Variants in TNRC6C observed in about 807,000 individuals in gnomAD.
TNRC6C encodes the protein trinucleotide repeat-containing gene 6C protein.
Under a neutral mutation model 153.7 loss-of-function variants are expected in TNRC6C, and 20 were observed. The observed-to-expected ratio is 0.13, with a 90% confidence interval of 0.09 to 0.19. The LOEUF (loss-of-function observed/expected upper bound fraction) is 0.19. TNRC6C is among the 10% of genes least tolerant of loss of function. TNRC6C has a pLI of 1.00. For synonymous variants in TNRC6C, 811 were observed against 841.4 expected (o/e 0.96, Z 0.63); for missense variants, 1,987 against 2,172.0 (o/e 0.91, Z 1.69).
intron 1 of TNRC6C, among the ~76,000 whole-genome samples, chr17:78,024,776 A>T (rs138260502): frequency 0.011 from 1,705 of 151,624 alleles, 20 homozygotes; most frequent in Non-Finnish European, 0.015. Flanking sequence ...AACATTTGAT[A>T]CAACTGATGT....
At chr17:78,012,373 A>T (rs1011361669) in intron 1 of TNRC6C, among the ~76,000 whole-genome samples, 1 of 152,122 alleles carries the variant, frequency 6.6e-6, no homozygotes, top group African/African-American at 2.4e-5. Context: ...AGAGGAGCAG[A>T]AAAGATCAGT....
At chr17:78,029,864 A>T (rs1456836940) in intron 1 of TNRC6C, among the ~76,000 whole-genome samples, 1 of 151,784 alleles carries the variant, frequency 6.6e-6, no homozygotes, top group Non-Finnish European at 1.5e-5. Context: ...CGAGGTCAGG[A>T]TCATCAGTAT....
intron 1 of TNRC6C, among the ~76,000 whole-genome samples, chr17:77,979,711 C>A (rs1260554107): frequency 1.3e-5 from 2 of 151,956 alleles, no homozygotes; most frequent in East Asian, 3.8e-4. Flanking sequence ...TACAGACTTG[C>A]ATATTTGAGA....
At chr17:78,088,648 G>A (rs1477215867) in intron 13 of TNRC6C, among the ~76,000 whole-genome samples, 1 of 145,396 alleles carries the variant, frequency 6.9e-6, no homozygotes, top group African/African-American at 2.6e-5. Flanking sequence ...TTTTTTGGCT[G>A]GAGTGCAGTG....
chr17:78,085,201 G>A (rs1343334488), intron 11 of TNRC6C, among the ~76,000 whole-genome samples: 1 of 152,170 alleles, frequency 6.6e-6, no homozygotes, highest in East Asian at 1.9e-4. Flanking sequence ...TTATCTTACT[G>A]ATGTGCTAGA....
upstream of TNRC6C, among the ~76,000 whole-genome samples, chr17:78,003,861 G>A (rs778173930): frequency 1.2e-4 from 19 of 152,172 alleles, no homozygotes; most frequent in East Asian, 3.8e-4. Flanking sequence ...CCAGGTATTC[G>A]AGACCAGACT....
chr17:78,107,375 G>C (rs2073719755), exon 20 of TNRC6C: 1 of 152,180 alleles, frequency 6.6e-6, no homozygotes, highest in South Asian at 2.1e-4. Context: ...GAATGTGACT[G>C]TTGAAGAACA....
chr17:78,091,540 G>A (rs761564961), exon 14 of TNRC6C: 25 of 1,607,290 alleles, frequency 1.6e-5, no homozygotes, highest in Admixed American at 8.5e-5. Flanking sequence ...CCCAGTGGAC[G>A]CACCCCAACT....
intron 1 of TNRC6C, chr17:78,008,820 C>T (rs1443876656): frequency 1.3e-5 from 2 of 152,124 alleles, no homozygotes; most frequent in African/African-American, 2.4e-5. Context: ...TTCCTCTGTC[C>T]TGAGATATTT....
exon 3 of TNRC6C, chr17:78,051,184 A>G: frequency 1.3e-6 from 2 of 1,575,220 alleles, no homozygotes; most frequent in South Asian, 1.2e-5. Flanking sequence ...CAGTGAAGCA[A>G]CTGGCTGGGA....
At position 78,092,872 on chromosome 17, in the gene TNRC6C, T is replaced by G. The variant is rs1180833234; in HGVS notation, c.3971-61T>G. 16 of 1,515,550 alleles carry G rather than the reference T, an allele frequency of 1.1e-5. No individual in the cohort carries two copies. The East Asian group carries it at 3.4e-4, about 32-fold the overall frequency. 93.9% of individuals were successfully genotyped at this position (1,515,550 alleles called of 1,614,324 possible). A position where few individuals can be genotyped will look rare whatever the true frequency, so the allele number is the denominator to read the frequency against. On this transcript the variant is annotated intron_variant, in intron 14 of 19. Coordinates refer to ENST00000301624, the Ensembl canonical transcript of TNRC6C. Reference sequence around the variant, plus strand: ...GGTACATAGGGAGGCTTAGGGTATCTTCTGGTGTCTCTCAACTGGAGAGTA... The same window carrying G: ...GGTACATAGGGAGGCTTAGGGTATCGTCTGGTGTCTCTCAACTGGAGAGTA...
At chr17:77,990,854 G>A (rs183964794) in intron 1 of TNRC6C, among the ~76,000 whole-genome samples, 132 of 152,232 alleles carry the variant, frequency 8.7e-4, no homozygotes, top group Middle Eastern at 6.8e-3. Context: ...GGGTCAATCA[G>A]TTTGATTTGT....
intron 16 of TNRC6C, among the ~76,000 whole-genome samples, chr17:78,095,629 G>A (rs1000869275): frequency 3.9e-5 from 6 of 152,222 alleles, no homozygotes; most frequent in African/African-American, 9.6e-5. Flanking sequence ...TGACCAGCAC[G>A]AGGAACCTTG....
intron 3 of TNRC6C, among the ~76,000 whole-genome samples, chr17:78,058,206 A>G (rs1334737129): frequency 6.6e-6 from 1 of 152,232 alleles, no homozygotes; most frequent in Non-Finnish European, 1.5e-5. Flanking sequence ...AAGTCGTCAT[A>G]AAATCAGTCT....
chr17:78,073,040 G>C (rs1567952023), exon 7 of TNRC6C: 1 of 1,554,740 alleles, frequency 6.4e-7, no homozygotes, highest in South Asian at 1.2e-5. Flanking sequence ...TACACAGAGA[G>C]AGCCAGCTGA....
At chr17:78,095,155 G>T (rs1374009838) in intron 16 of TNRC6C, among the ~76,000 whole-genome samples, 1 of 152,206 alleles carries the variant, frequency 6.6e-6, no homozygotes, top group Non-Finnish European at 1.5e-5. Flanking sequence ...AGAGCTTCCC[G>T]AGTGGTGCCC....
upstream of TNRC6C, among the ~76,000 whole-genome samples, chr17:77,958,319 C>T (rs1023782256): frequency 2.0e-5 from 3 of 151,978 alleles, no homozygotes; most frequent in African/African-American, 7.2e-5. Context: ...CAGGCGGCGG[C>T]GGTAAAGGAC....
intron 1 of TNRC6C, among the ~76,000 whole-genome samples, chr17:78,030,821 G>C (rs191714795): frequency 6.6e-6 from 1 of 152,084 alleles, no homozygotes; most frequent in Non-Finnish European, 1.5e-5. Context: ...AATTCCGGCC[G>C]GGCATGGTGG....
At chr17:78,000,996 T>C (rs2071404718), upstream of TNRC6C, among the ~76,000 whole-genome samples, 1 of 152,178 alleles carries the variant, frequency 6.6e-6, no homozygotes, top group Non-Finnish European at 1.5e-5. Flanking sequence ...ATTGTTTCTC[T>C]GGGAAAATCT....
Sources: allele counts gnomAD v4.1 joint callset (sites outside exome capture counted in the v4.1 genomes callset), GRCh38; gene constraint gnomAD v4.1.1; transcripts MANE v1.5; gene names NCBI Gene and HGNC (gene_info 2026-07-23, HGNC 2026-07-21).